The following ROBO1 variants were observed in gnomAD, a reference collection of about 807,000 sequenced individuals.
The protein encoded by ROBO1 is roundabout guidance receptor 1, also known as roundabout homolog 1.
A neutral mutation model predicts 195.9 loss-of-function variants in ROBO1; 149 were observed. The ratio of observed to expected loss-of-function variants is 0.76; its 90% CI spans 0.67 to 0.87. ROBO1 has a LOEUF of 0.87. Ranked by LOEUF, ROBO1 falls within the 40% of genes least tolerant of loss-of-function variation. The pLI is 0.00. For synonymous variants in ROBO1, 816 were observed against 733.2 expected, an observed-to-expected ratio of 1.11 and a Z score of -1.82; for missense variants, 1,933 against 2,068.3, an observed-to-expected ratio of 0.93 and a Z score of 1.27.
chr3:79,700,152 C>T (rs1286892606), intron 1 of ROBO1, among the ~76,000 whole-genome samples: 1 of 151,758 alleles, frequency 6.6e-6, no homozygotes, highest in Non-Finnish European at 1.5e-5. Flanking sequence ...CATGTTGCTG[C>T]AAAAGACATG....
chr3:78,754,656 T>TAC (rs570279076), intron 4 of ROBO1, among the ~76,000 whole-genome samples: 1,793 of 152,272 alleles, frequency 0.012, 38 homozygotes, highest in African/African-American at 0.038. Context: ...AAATGGTGGC[T>TAC]TGCATTGGCG....
Position 78,950,657 on chromosome 3 carries a change from T to TATA in ROBO1, c.173-11733_173-11731dup, listed in dbSNP as rs1007712406. Among the ~76,000 whole-genome samples, 20 of 150,622 alleles carry TATA rather than the reference T, an allele frequency of 1.3e-4. No individual in the cohort carries two copies. The South Asian group carries it at 1.7e-3, about 13-fold the overall frequency. Reference sequence around the variant, plus strand: ...TGCACATGTACCCTAAAACTTAAAGTATAATAATAATAAAATAAATGTAAT... The same window carrying TATA: ...TGCACATGTACCCTAAAACTTAAAGTATAATAATAATAATAAAATAAATGTAAT... On this transcript the variant is annotated intron_variant, in intron 3 of 30. Coordinates refer to ENST00000464233, the MANE Select transcript of ROBO1 (RefSeq NM_002941.4).
At chr3:79,059,996 C>T (rs993309725) in intron 3 of ROBO1, among the ~76,000 whole-genome samples, 8 of 151,914 alleles carry the variant, frequency 5.3e-5, no homozygotes, top group African/African-American at 1.7e-4. Flanking sequence ...GGAGAAATAT[C>T]GCTGAATTAT....
chr3:79,716,834 A>G (rs1007117055), intron 1 of ROBO1, among the ~76,000 whole-genome samples: 36 of 152,028 alleles, frequency 2.4e-4, no homozygotes, highest in Non-Finnish European at 4.4e-4. Flanking sequence ...CATGAATTTT[A>G]AAAATGATTC....
intron 1 of ROBO1, among the ~76,000 whole-genome samples, chr3:79,740,512 A>G (rs1212707309): frequency 6.6e-6 from 1 of 152,154 alleles, no homozygotes; most frequent in East Asian, 1.9e-4. Context: ...GGGAGGCCTC[A>G]GGAAACTTAC....
intron 25 of ROBO1, among the ~76,000 whole-genome samples, chr3:78,629,846 G>A (rs1705071092): frequency 6.6e-6 from 1 of 152,144 alleles, no homozygotes; most frequent in Admixed American, 6.5e-5. Flanking sequence ...CGCCTGATGT[G>A]CATGTTCCCA....
At chr3:78,840,239 A>G (rs1291902782) in intron 4 of ROBO1, among the ~76,000 whole-genome samples, 3 of 152,174 alleles carry the variant, frequency 2.0e-5, no homozygotes, top group Admixed American at 6.5e-5. Flanking sequence ...AGAGGTTTAA[A>G]AACAAAATGC....
At chr3:78,721,286 G>T (rs2082039584) in intron 5 of ROBO1, among the ~76,000 whole-genome samples, 1 of 152,042 alleles carries the variant, frequency 6.6e-6, no homozygotes, top group Admixed American at 6.6e-5. Context: ...AACCTTTCAT[G>T]CGCTGATTTT....
chr3:79,044,962 T>A (rs2108345724), intron 3 of ROBO1, among the ~76,000 whole-genome samples: 1 of 152,060 alleles, frequency 6.6e-6, no homozygotes, highest in Admixed American at 6.6e-5. Flanking sequence ...ATGAAACAAA[T>A]TATTGCACCC....
At chr3:78,986,950 G>A (rs545582851) in intron 3 of ROBO1, among the ~76,000 whole-genome samples, 14 of 152,108 alleles carry the variant, frequency 9.2e-5, no homozygotes, top group African/African-American at 3.4e-4. Context: ...GAATTTGAAG[G>A]GAAAAGTCTG....
At chr3:79,626,480 G>A (rs1320722127) in intron 1 of ROBO1, among the ~76,000 whole-genome samples, 1 of 150,806 alleles carries the variant, frequency 6.6e-6, no homozygotes. Flanking sequence ...CAATAAACTA[G>A]GTATTGATGG....
chr3:78,692,351 C>T (rs1278120872), intron 8 of ROBO1, among the ~76,000 whole-genome samples: 1 of 151,942 alleles, frequency 6.6e-6, no homozygotes, highest in Non-Finnish European at 1.5e-5. Context: ...CTCACTGCAA[C>T]CTCTGCCTCC....
At chr3:79,142,568 T>A (rs1452987079) in intron 2 of ROBO1, among the ~76,000 whole-genome samples, 1 of 152,152 alleles carries the variant, frequency 6.6e-6, no homozygotes, top group Non-Finnish European at 1.5e-5. Context: ...TCTGCACATG[T>A]TTAGAGTGGA....
chr3:79,615,942 G>A (rs1944805161), intron 1 of ROBO1, among the ~76,000 whole-genome samples: 2 of 152,126 alleles, frequency 1.3e-5, no homozygotes. Context: ...ACAGGCCCAA[G>A]GGAAAAACTG....
At chr3:79,450,205 G>A (rs2039396115) in intron 2 of ROBO1, among the ~76,000 whole-genome samples, 1 of 151,446 alleles carries the variant, frequency 6.6e-6, no homozygotes, top group African/African-American at 2.4e-5. Flanking sequence ...TAATTTTACA[G>A]ACTTTTACTG....
At position 79,104,155 on chromosome 3, in the gene ROBO1, T is replaced by G. The variant is rs2079731535; in HGVS notation, c.172+21301A>C. Among the ~76,000 whole-genome samples, 3 of 151,780 alleles carry G rather than the reference T, an allele frequency of 2.0e-5. No homozygotes were observed. In the Admixed American group the frequency reaches 2.0e-4, roughly 10 times the overall value. On this transcript the variant is annotated intron_variant, in intron 3 of 30. Transcript: ENST00000464233. ...TTGAAGCCGGGTAAAGTATCACTAG[T>G]TTGAAAATAAGAGTAAACATAGTGC... is the stretch of plus-strand genomic sequence containing the variant.
At chr3:78,972,232 G>T (rs911431171) in intron 3 of ROBO1, among the ~76,000 whole-genome samples, 9 of 152,144 alleles carry the variant, frequency 5.9e-5, no homozygotes, top group Non-Finnish European at 1.2e-4. Context: ...AAAGGGCTTA[G>T]TTTGAGTATT....
intron 2 of ROBO1, among the ~76,000 whole-genome samples, chr3:79,575,222 T>TAA (rs1943427875): frequency 1.6e-5 from 2 of 124,914 alleles, no homozygotes; most frequent in African/African-American, 6.3e-5. Context: ...TATATATATA[T>TAA]AACAAATATA....
chr3:78,657,917 T>C (rs1162109856), intron 17 of ROBO1, among the ~76,000 whole-genome samples: 2 of 152,238 alleles, frequency 1.3e-5, no homozygotes. Context: ...AGGATTTTAT[T>C]CAACCTCTGG....
Sources: gnomAD v4.1 joint callset for allele counts (sites outside exome capture counted in the v4.1 genomes callset) on GRCh38, gnomAD v4.1.1 for gene constraint, MANE v1.5 for transcripts, NCBI Gene and HGNC (gene_info 2026-07-23, HGNC 2026-07-21) for gene names.